Variants in MARCO observed in about 807,000 individuals in gnomAD.
MARCO encodes macrophage receptor MARCO.
Under a neutral mutation model 70.0 loss-of-function variants are expected in MARCO, and 72 were observed. That is an observed-to-expected ratio of 1.03 (90% confidence interval 0.85 to 1.25). MARCO has a LOEUF of 1.25. Ranked by LOEUF, MARCO falls within the 50% of genes most tolerant of loss-of-function variation. MARCO has a pLI of 0.00. For missense variants in MARCO, 696 were observed against 659.3 expected, an observed-to-expected ratio of 1.06 and a Z score of -0.61; for synonymous variants, 273 against 243.1, an observed-to-expected ratio of 1.12 and a Z score of -1.14.
Position 118,986,743 on chromosome 2 carries a change from A to G in MARCO, c.1064-3846A>G, listed in dbSNP as rs1420757867. 1.3e-5 allele frequency among the ~76,000 whole-genome samples: 2 copies of G among 151,256 alleles called. 1 individual carries two copies. Among genetic ancestry groups the G allele is most frequent in the East Asian group, 3.9e-4 (2 of 5,162 alleles). On this transcript the variant is annotated intron_variant, in intron 12 of 16. Coordinates refer to ENST00000327097, the MANE Select transcript of MARCO (RefSeq NM_006770.4). Reference sequence around the variant, plus strand: ...AAAGAAAAGAAAGAAAGAAAGAGAAAGAAAGAGAAAGAAAGAAGAAAGAAA... The same window carrying G: ...AAAGAAAAGAAAGAAAGAAAGAGAAGGAAAGAGAAAGAAAGAAGAAAGAAA...
rs111930258 is a variant in MARCO at position 118,974,091 on chromosome 2, C to T, written c.461-242C>T. Among the ~76,000 whole-genome samples the T allele has an allele frequency of 1.5e-3, 232 of 152,232 alleles. 3 individuals carry two copies. Among genetic ancestry groups the T allele is most frequent in the African/African-American group, 4.9e-3 (204 of 41,536 alleles). On this transcript the variant is annotated intron_variant, in intron 4 of 16. Coordinates refer to ENST00000327097, the MANE Select transcript of MARCO (RefSeq NM_006770.4). Reference sequence around the variant, plus strand: ...TGATGATGTAACTTGCACAAGGTCACCCAGCTAAAGGGGCAGTGCTAACAC... The same window carrying T: ...TGATGATGTAACTTGCACAAGGTCATCCAGCTAAAGGGGCAGTGCTAACAC...
chr2:118,942,275 A>T lies in MARCO; in HGVS notation c.-26A>T. ...GGGGAGCATTTCTGCTGGCTCCAGG[A>T]CTTTGGCCATCTATAAAGCTTGGCA... On this transcript the variant is annotated 5_prime_UTR_variant, in exon 1 of 17. Transcript: ENST00000327097. The T allele has an allele frequency of 5.3e-6, 8 of 1,511,884 alleles. No homozygotes were observed. The highest frequency in any genetic ancestry group is 7.4e-6 in the Non-Finnish European group (8 of 1,087,520). 93.7% of individuals were successfully genotyped at this position (1,511,884 alleles called of 1,614,324 possible).
chr2:118,972,785 G>A (rs1482632819), intron 4 of MARCO, among the ~76,000 whole-genome samples: 1 of 152,134 alleles, frequency 6.6e-6, no homozygotes, highest in Non-Finnish European at 1.5e-5. Context: ...TTTAAGGAGG[G>A]GCAGTTTCAA....
At position 118,977,924 on chromosome 2, in the gene MARCO, T is replaced by C; in HGVS notation, c.755T>C (p.Leu252Pro). 2 of 1,604,442 alleles carry C rather than the reference T, an allele frequency of 1.2e-6. No individual in the cohort carries two copies. Among genetic ancestry groups the C allele is most frequent in the Non-Finnish European group, 1.7e-6 (2 of 1,174,770 alleles). ...ETGTKGEKGD[L>P]GLPGSKGDRG... is the part of the protein sequence containing the mutation. ...GGAACTAAGGGAGAGAAAGGAGACCTGGGTCTCCCAGGTGAGGGCCGTATT... is the reference window on the plus strand; with the variant it reads ...GGAACTAAGGGAGAGAAAGGAGACCCGGGTCTCCCAGGTGAGGGCCGTATT... Residue 252 changes from leucine (L) to proline (P), a missense_variant, in exon 8 of 17, where the codon CTG becomes CCG. Leu to Pro is a moderately conservative substitution (Grantham distance 98). Coordinates refer to ENST00000327097, the MANE Select transcript of MARCO (RefSeq NM_006770.4).
chr2:118,979,875 C>G (rs529387735), intron 8 of MARCO, among the ~76,000 whole-genome samples: 1 of 152,314 alleles, frequency 6.6e-6, no homozygotes, highest in East Asian at 1.9e-4. Context: ...TGCTAGTAGA[C>G]AGATAAGCCA....
At chr2:118,948,942 C>T (rs148573134) in intron 1 of MARCO, among the ~76,000 whole-genome samples, 48 of 152,262 alleles carry the variant, frequency 3.2e-4, no homozygotes, top group Middle Eastern at 3.4e-3. Context: ...ACCATACATC[C>T]GCTAAGGGCA....
chr2:118,945,564 C>T (rs969316993), intron 1 of MARCO, among the ~76,000 whole-genome samples: 1 of 152,018 alleles, frequency 6.6e-6, no homozygotes, highest in Non-Finnish European at 1.5e-5. Flanking sequence ...AGGTGCCCAC[C>T]ACCATGCCCG....
chr2:118,947,892 T>A (rs1217357319), intron 1 of MARCO, among the ~76,000 whole-genome samples: 1 of 152,222 alleles, frequency 6.6e-6, no homozygotes, highest in African/African-American at 2.4e-5. Context: ...GAAATTTTGA[T>A]AGGCATTGTG....
At chr2:118,989,271 T>C (rs1286211773) in intron 12 of MARCO, among the ~76,000 whole-genome samples, 1 of 152,184 alleles carries the variant, frequency 6.6e-6, no homozygotes, top group African/African-American at 2.4e-5. Flanking sequence ...TGGCCCTGTG[T>C]AAGCTGGGGC....
chr2:118,981,571 T>C, intron 9 of MARCO, 50 bp from the exon 10 acceptor site: 1 of 1,581,948 alleles, frequency 6.3e-7, no homozygotes, highest in Non-Finnish European at 8.6e-7. Context: ...TTTTTCTGGC[T>C]GGCTGAGCCA....
chr2:118,978,022 G>C, intron 8 of MARCO, 87 bp downstream of exon 8: 4 of 794,254 alleles, frequency 5.0e-6, no homozygotes. Flanking sequence ...TCTATTCAGT[G>C]CCCACTGAGG....
At chr2:118,972,095 T>A (rs1680184050) in intron 4 of MARCO, among the ~76,000 whole-genome samples, 1 of 152,146 alleles carries the variant, frequency 6.6e-6, no homozygotes. Context: ...CACTCACCTG[T>A]GTAGGAAGCA....
At chr2:118,951,891 CTT>C (rs35623958) in intron 1 of MARCO, among the ~76,000 whole-genome samples, 4,334 of 152,000 alleles carry the variant, frequency 0.029, 78 homozygotes, top group Middle Eastern at 0.054. Flanking sequence ...CTCTCTCTCT[CTT>C]TCTTCCTCTT....
chr2:118,982,453 G>C, intron 12 of MARCO, 43 bp downstream of exon 12: 1 of 1,576,162 alleles, frequency 6.3e-7, no homozygotes, highest in East Asian at 2.2e-5. Flanking sequence ...CTTGCTGGGT[G>C]GCAGGATGGA....
chr2:118,992,969 A>C (rs1680650382), intron 15 of MARCO, 155 bp from the exon 16 acceptor site: 4 of 698,002 alleles, frequency 5.7e-6, no homozygotes, highest in Non-Finnish European at 9.6e-6. Context: ...TTGGGTTGGC[A>C]CTGTAAAGTG....
intron 6 of MARCO, 23 bp downstream of exon 6, chr2:118,974,588 C>T (rs773529697): frequency 6.2e-7 from 1 of 1,607,366 alleles, no homozygotes; most frequent in South Asian, 1.1e-5. Context: ...TGGGTATGTA[C>T]CCAGAAATAC....
rs758308522 is a variant in MARCO, at chr2:118,993,313, T to A, written c.1429+13T>A. 6.2e-7 allele frequency: 1 copy of A among 1,613,430 alleles called. No homozygotes were observed. On this transcript the variant is annotated intron_variant, in intron 16 of 16. Transcript: ENST00000327097. ...AAAGTGGGAGCTGGTAAGTGAGTCA[T>A]CAGCCGGGGGCCTCTTCCCCAGAGG... is the stretch of plus-strand genomic sequence containing the variant.
rs568259549 is a variant in MARCO, at chr2:118,964,620, G to T, written c.98-4540G>T. ...TTGGTATTCCTGGCCAGGCACAGTG[G>T]CTCATGCCTGTAATCCCAGCATTTT... On this transcript the variant is annotated intron_variant, in intron 1 of 16. Coordinates refer to ENST00000327097, the MANE Select transcript of MARCO (RefSeq NM_006770.4). Among the ~76,000 whole-genome samples, 83 of 152,158 alleles carry T rather than the reference G, an allele frequency of 5.5e-4. 1 individual carries two copies. Among genetic ancestry groups the T allele is most frequent in the Non-Finnish European group, 1.0e-3 (70 of 68,038 alleles).
chr2:118,981,304 G>A (rs1680383534), intron 8 of MARCO, 105 bp from the exon 9 acceptor site: 1 of 740,464 alleles, frequency 1.4e-6, no homozygotes, highest in Non-Finnish European at 2.3e-6. Flanking sequence ...GGAGCTCAAG[G>A]AGTTTAGGGT....
Sources: gnomAD v4.1 joint callset for allele counts (sites outside exome capture counted in the v4.1 genomes callset) on GRCh38, gnomAD v4.1.1 for gene constraint, MANE v1.5 for transcripts, NCBI Gene and HGNC (gene_info 2026-07-23, HGNC 2026-07-21) for gene names.